SACM1L: variants seen among roughly 807,000 people sequenced by gnomAD.
SACM1L encodes phosphatidylinositol-3-phosphatase SAC1.
In SACM1L, 32 loss-of-function variants were observed where a neutral mutation model predicts 89.5. The observed-to-expected ratio is 0.36, with a 90% CI of 0.27 to 0.48. The LOEUF (loss-of-function observed/expected upper bound fraction) is 0.48. Ranked by LOEUF, SACM1L falls within the 20% of genes least tolerant of loss-of-function variation. The probability of loss-of-function intolerance (pLI) is 0.99; values close to 1 mark genes in which losing one functional copy is unlikely to be tolerated. For synonymous variants in SACM1L, 213 were observed against 232.8 expected (o/e 0.92, Z 0.77); for missense variants, 543 against 708.5 (o/e 0.77, Z 2.65).
chr3:45,744,004 A>C lies in SACM1L; in HGVS notation c.*335A>C, dbSNP rs1164212058. ...TGCAGAATAAGTAATATATTTTAAA[A>C]ACCTAGCTCCTTTCATTATTTAAAA... On this transcript the variant is annotated 3_prime_UTR_variant, in exon 20 of 20. Coordinates refer to ENST00000389061, the MANE Select transcript of SACM1L (RefSeq NM_014016.5). 22 of 177,170 alleles carry C rather than the reference A, an allele frequency of 1.2e-4. No individual in the cohort carries two copies. The highest frequency in any genetic ancestry group is 1.2e-5 in the Non-Finnish European group (1 of 84,876). The allele number at this position is 177,170 out of a possible 1,614,324, so 11.0% of individuals were successfully genotyped here. A position where few individuals can be genotyped will look rare whatever the true frequency, so the allele number is the denominator to read the frequency against.
At chr3:45,724,111 C>A (rs1698854468) in intron 11 of SACM1L, among the ~76,000 whole-genome samples, 1 of 151,876 alleles carries the variant, frequency 6.6e-6, no homozygotes, top group Admixed American at 6.6e-5. Flanking sequence ...CTGATTGAGT[C>A]CCTGTTTTCA....
At chr3:45,709,766 A>C (rs1698478833) in intron 5 of SACM1L, 119 bp downstream of exon 5, 1 of 887,322 alleles carries the variant, frequency 1.1e-6, no homozygotes, top group African/African-American at 1.7e-5. Context: ...ATCATGTATG[A>C]GGCTTTGAAA....
chr3:45,698,588 T>C (rs1698184383), intron 1 of SACM1L, among the ~76,000 whole-genome samples: 1 of 152,220 alleles, frequency 6.6e-6, no homozygotes, highest in South Asian at 2.1e-4. Context: ...CTCGCTCTTG[T>C]GCCCCAGGCT....
At position 45,698,272 on chromosome 3, in the gene SACM1L, C is replaced by G. The variant is rs118020527; in HGVS notation, c.33-5166C>G. Among the ~76,000 whole-genome samples the G allele has an allele frequency of 3.6e-4, 55 of 152,298 alleles. 1 individual carries two copies. The East Asian group carries it at 0.01, about 28-fold the overall frequency. ...GTAGGTGCCGTGAGTTAGGATGATA[C>G]CTGCTGTTATGGTTAACAGAATTGT... On this transcript the variant is annotated intron_variant, in intron 1 of 19. Coordinates refer to ENST00000389061, the MANE Select transcript of SACM1L (RefSeq NM_014016.5).
intron 11 of SACM1L, among the ~76,000 whole-genome samples, chr3:45,725,699 G>A (rs1221531327): frequency 7.0e-6 from 1 of 143,074 alleles, no homozygotes; most frequent in South Asian, 2.2e-4. Context: ...TTTTTTTCTT[G>A]CCTAATTGGT....
chr3:45,723,402 T>C (rs1250307630), intron 10 of SACM1L, 73 bp from the exon 11 acceptor site: 8 of 556,670 alleles, frequency 1.4e-5, no homozygotes, highest in East Asian at 9.2e-5. Context: ...TTTAAAAATA[T>C]TATAAATATT....
intron 3 of SACM1L, among the ~76,000 whole-genome samples, chr3:45,705,683 T>C (rs989944729): frequency 6.6e-6 from 1 of 152,016 alleles, no homozygotes; most frequent in Non-Finnish European, 1.5e-5. Flanking sequence ...GTTATATTTT[T>C]AGTAGAGATG....
At chr3:45,696,195 C>T (rs1698122859) in intron 1 of SACM1L, among the ~76,000 whole-genome samples, 1 of 152,068 alleles carries the variant, frequency 6.6e-6, no homozygotes, top group Non-Finnish European at 1.5e-5. Context: ...GACAAGGTTT[C>T]ACTGCATTTG....
intron 9 of SACM1L, 25 bp from the exon 10 acceptor site, chr3:45,722,844 T>C: frequency 6.4e-7 from 1 of 1,551,036 alleles, no homozygotes; most frequent in Non-Finnish European, 8.9e-7. Context: ...TGTGTTTCTT[T>C]TCACATTTCT....
chr3:45,737,902 T>TA, intron 16 of SACM1L, 58 bp downstream of exon 16: 1 of 1,408,784 alleles, frequency 7.1e-7, no homozygotes, highest in Non-Finnish European at 1.0e-6. Flanking sequence ...CTGGTGCTTT[T>TA]AAAAATCACC....
At position 45,737,645 on chromosome 3, in the gene SACM1L, C is replaced by T. The variant is rs1375523216; in HGVS notation, c.1302C>T (p.Tyr434=). The change falls in exon 15 of 20, where the codon TAC becomes TAT. Residue 434 remains tyrosine, a synonymous_variant. Coordinates refer to ENST00000389061, the MANE Select transcript of SACM1L (RefSeq NM_014016.5). ...AACAAGATGAATTTGAGAAGATTTACAAAAATGGTAGGTCATTTCTTTAAT... is the reference window on the plus strand; with the variant it reads ...AACAAGATGAATTTGAGAAGATTTATAAAAATGGTAGGTCATTTCTTTAAT... ...LEEQDEFEKI[Y]KNAWADNANA... The T allele has an allele frequency of 3.8e-6, 6 of 1,588,998 alleles. No homozygotes were observed. Among genetic ancestry groups the T allele is most frequent in the Non-Finnish European group, 4.3e-6 (5 of 1,172,874 alleles).
chr3:45,731,481 A>G (rs1305714367), intron 12 of SACM1L, 101 bp downstream of exon 12: 2 of 620,336 alleles, frequency 3.2e-6, no homozygotes, highest in African/African-American at 1.9e-5. Context: ...TTCAGCTTGC[A>G]TTTTTTTCAA....
chr3:45,714,457 A>G (rs1698602014), intron 7 of SACM1L, among the ~76,000 whole-genome samples: 1 of 152,196 alleles, frequency 6.6e-6, no homozygotes, highest in African/African-American at 2.4e-5. Context: ...TAGGCCGGGC[A>G]TGGTGGCTTG....
rs1699085323 is a variant in SACM1L at position 45,732,073 on chromosome 3, A to G, written c.1022A>G (p.His341Arg). Residue 341 changes from histidine to arginine, a missense_variant, in exon 13 of 20, where the codon CAT (histidine) becomes CGT (arginine). Physicochemically the swap from His to Arg is conservative, Grantham distance 29. This residue lies in a region of SACM1L where 370 missense variants were observed against 527.6 expected (regional missense o/e 0.70). Transcript: ENST00000389061. ...GMMRYIAFDF[H>R]KECKNMRWDR... Reference sequence around the variant, plus strand: ...GGTAGATACATTGCCTTTGACTTCCATAAGGAATGTAAAAATATGAGATGG... The same window carrying G: ...GGTAGATACATTGCCTTTGACTTCCGTAAGGAATGTAAAAATATGAGATGG... The G allele has an allele frequency of 1.3e-6, 2 of 1,596,306 alleles. No individual in the cohort carries two copies. Among genetic ancestry groups the G allele is most frequent in the Non-Finnish European group, 1.7e-6 (2 of 1,173,522 alleles).
At chr3:45,732,329 ATATTTTTGAAT>A (rs1432414850) in intron 13 of SACM1L, among the ~76,000 whole-genome samples, 178 bp downstream of exon 13, 1 of 152,188 alleles carries the variant, frequency 6.6e-6, no homozygotes, top group Non-Finnish European at 1.5e-5. Flanking sequence ...TGACTTCAAA[ATATTTTTGAAT>A]TCTTAAAAAT....
At chr3:45,716,321 T>A (rs1035847358) in intron 7 of SACM1L, among the ~76,000 whole-genome samples, 3 of 152,038 alleles carry the variant, frequency 2.0e-5, no homozygotes, top group East Asian at 3.9e-4. Context: ...AAAAATTTTT[T>A]AAAAATTAGG....
chr3:45,734,438 T>C (rs942409804), intron 13 of SACM1L, among the ~76,000 whole-genome samples: 1 of 151,190 alleles, frequency 6.6e-6, no homozygotes, highest in Non-Finnish European at 1.5e-5. Flanking sequence ...AGAAAAAAAA[T>C]ATTTTTAAGT....
chr3:45,727,704 T>G (rs977481103), intron 11 of SACM1L, among the ~76,000 whole-genome samples: 1 of 152,170 alleles, frequency 6.6e-6, no homozygotes, highest in African/African-American at 2.4e-5. Context: ...TGCACCATTC[T>G]CCTGCCTCAG....
chr3:45,737,365 G>T lies in SACM1L; in HGVS notation c.1240-218G>T, dbSNP rs949078764. ...GCTGCTATCCCTCAAGGGAGTGCGG[G>T]GGCTGCAAGGCAAAGGTGCCCTCAG... On this transcript the variant is annotated intron_variant, in intron 14 of 19. Transcript: ENST00000389061. 6 of 572,494 alleles carry T rather than the reference G, an allele frequency of 1.0e-5. No individual in the cohort carries two copies. In the Admixed American group the frequency reaches 2.1e-4, roughly 20 times the overall value. 35.5% of individuals were successfully genotyped at this position (572,494 alleles called of 1,614,324 possible).
Sources: allele counts gnomAD v4.1 joint callset (sites outside exome capture counted in the v4.1 genomes callset), GRCh38; gene constraint gnomAD v4.1.1; regional missense constraint gnomAD v4.1.1; transcripts MANE v1.5; gene names NCBI Gene and HGNC (gene_info 2026-07-23, HGNC 2026-07-21).